Variants in BCAR1 observed in about 807,000 individuals in gnomAD.
BCAR1 encodes the protein BCAR1 scaffold protein, Cas family member, also known as breast cancer anti-estrogen resistance protein 1.
BCAR1 carries 30 observed loss-of-function variants against 67.6 expected under a neutral mutation model. That is an observed-to-expected ratio of 0.44 (90% confidence interval 0.33 to 0.60). BCAR1 has a LOEUF of 0.60. Ranked by LOEUF, BCAR1 falls within the 20% of genes least tolerant of loss-of-function variation. The pLI, the probability that BCAR1 is intolerant of heterozygous loss-of-function variation, is 0.02. For synonymous variants in BCAR1, 626 were observed against 556.7 expected (o/e 1.12, Z -1.75); for missense variants, 1,313 against 1,222.3 (o/e 1.07, Z -1.11).
intron 1 of BCAR1, chr16:75,264,365 G>A: frequency 6.5e-7 from 1 of 1,529,518 alleles, no homozygotes; most frequent in East Asian, 2.5e-5. Flanking sequence ...CCTCCAGCAG[G>A]CTCAGGTGGT....
chr16:75,265,785 G>A (rs539705690), intron 1 of BCAR1: 1 of 1,197,740 alleles, frequency 8.3e-7, no homozygotes. Context: ...AGCCGGGCGG[G>A]GGACAGCCGG....
At chr16:75,251,708 C>CGCT, upstream of BCAR1, 2 of 989,330 alleles carry the variant, frequency 2.0e-6, no homozygotes, top group Non-Finnish European at 2.4e-6. Flanking sequence ...TGGCCGCCGC[C>CGCT]GCTCTCCATG....
intron 2 of BCAR1, chr16:75,238,626 A>C: frequency 1.0e-6 from 1 of 986,306 alleles, no homozygotes; most frequent in Non-Finnish European, 1.2e-6. Context: ...TGGGCCCACT[A>C]GGTCTCCAGC....
In BCAR1 at chr16:75,233,938, G is replaced by A; in HGVS notation, c.2011-3C>T. 2 of 1,601,724 alleles carry A rather than the reference G, an allele frequency of 1.2e-6. No homozygotes were observed. The highest frequency in any genetic ancestry group is 1.3e-5 in the African/African-American group (1 of 74,856). Reference sequence around the variant, plus strand: ...GTCTTCTCAAACTCCTCCTTCCCCTGGAGGGCAGAGACAGGGGCTGCGCTG... The same window carrying A: ...GTCTTCTCAAACTCCTCCTTCCCCTAGAGGGCAGAGACAGGGGCTGCGCTG... On this transcript the variant is annotated splice_region_variant and splice_polypyrimidine_tract_variant and intron_variant, in intron 5 of 6. Coordinates refer to ENST00000162330, the MANE Select transcript of BCAR1 (RefSeq NM_014567.5).
At chr16:75,233,641 A>G (rs1038599822) in intron 6 of BCAR1, among the ~76,000 whole-genome samples, 1 of 152,208 alleles carries the variant, frequency 6.6e-6, no homozygotes, top group African/African-American at 2.4e-5. Context: ...AATGTCTCCA[A>G]CAATTACTCT....
At chr16:75,267,946 G>A in exon 1 of BCAR1, 1 of 1,603,858 alleles carries the variant, frequency 6.2e-7, no homozygotes, top group East Asian at 2.2e-5. Context: ...TGTGGGCCTG[G>A]GGGCAGCCAG....
chr16:75,238,748 G>A (rs1567600840), intron 2 of BCAR1: 7 of 985,404 alleles, frequency 7.1e-6, no homozygotes, highest in South Asian at 4.7e-5. Flanking sequence ...CTCCCTCCAC[G>A]CGCCCCAGAC....
chr16:75,266,546 A>G (rs561880908), intron 1 of BCAR1, among the ~76,000 whole-genome samples: 1 of 152,246 alleles, frequency 6.6e-6, no homozygotes, highest in African/African-American at 2.4e-5. Context: ...TCCTTTCCCC[A>G]GGCTAAACAC....
intron 1 of BCAR1, among the ~76,000 whole-genome samples, chr16:75,262,310 A>T (rs943656554): frequency 8.5e-5 from 13 of 152,198 alleles, no homozygotes; most frequent in African/African-American, 3.1e-4. Flanking sequence ...GGCACGAGAG[A>T]CAGCGGGGCA....
chr16:75,262,337 G>A (rs993109010), intron 1 of BCAR1, among the ~76,000 whole-genome samples: 1 of 152,216 alleles, frequency 6.6e-6, no homozygotes, highest in Non-Finnish European at 1.5e-5. Context: ...CATGGGTTCT[G>A]CAGTGTGAAG....
At chr16:75,255,848 G>T (rs747273099), upstream of BCAR1, among the ~76,000 whole-genome samples, 2 of 152,014 alleles carry the variant, frequency 1.3e-5, no homozygotes, top group Non-Finnish European at 2.9e-5. Flanking sequence ...AAAATTAGCC[G>T]GGCGTGGTGG....
chr16:75,242,189 C>A (rs1231386289), intron 2 of BCAR1, among the ~76,000 whole-genome samples: 1 of 152,268 alleles, frequency 6.6e-6, no homozygotes, highest in African/African-American at 2.4e-5. Context: ...CGCCTGCCCA[C>A]TGGAACGCCT....
chr16:75,230,700 C>A (rs1258205062), intron 6 of BCAR1, among the ~76,000 whole-genome samples: 1 of 151,796 alleles, frequency 6.6e-6, no homozygotes, highest in Non-Finnish European at 1.5e-5. Context: ...CACACCCAGA[C>A]TCAGGACTGG....
At chr16:75,245,669 G>A (rs971082526) in intron 1 of BCAR1, among the ~76,000 whole-genome samples, 1 of 152,208 alleles carries the variant, frequency 6.6e-6, no homozygotes. Context: ...GGCTGGGCAC[G>A]TGGCACCAGG....
rs748834266 is a variant in BCAR1, at chr16:75,236,894, G to C, written c.900C>G (p.Ser300=). 6.2e-6 allele frequency: 10 copies of C among 1,612,754 alleles called. No individual in the cohort carries two copies. Among genetic ancestry groups the C allele is most frequent in the Non-Finnish European group, 8.5e-6 (10 of 1,179,452 alleles). The change falls in exon 4 of 7, where the codon TCC becomes TCG. Residue 300 remains serine, a synonymous_variant. Coordinates refer to ENST00000162330, the MANE Select transcript of BCAR1 (RefSeq NM_014567.5). ...PPSVEKGLPP[S]NHHAVYDVPP... ...GGCATTTGCTCACTGCGTGGTGGTT[G>C]GACGGTGGCAGGCCCTTCTCCACAC...
In BCAR1 at chr16:75,235,668, C is replaced by A. The variant is rs1181274335; in HGVS notation, c.1231G>T (p.Ala411Ser). ...DGGVVDSGVY[A>S]VPPPAEREAP... ...TCACGTTCAGCTGGGGGAGGCACCG[C>A]ATACACACCACTGTCGACCACGCCA... Residue 411 changes from alanine (A) to serine (S), a missense_variant, in exon 5 of 7, where the codon GCG (alanine) becomes TCG (serine). By Grantham distance (99) the Ala-to-Ser change is moderately conservative. Transcript: ENST00000162330. The A allele has an allele frequency of 1.2e-5, 19 of 1,611,434 alleles. No homozygotes were observed. Among genetic ancestry groups the A allele is most frequent in the Non-Finnish European group, 1.4e-5 (16 of 1,178,796 alleles).
chr16:75,240,670 T>C (rs1256625336), intron 2 of BCAR1, among the ~76,000 whole-genome samples: 5 of 152,196 alleles, frequency 3.3e-5, no homozygotes, highest in South Asian at 2.1e-4. Context: ...AGCATTGCTT[T>C]TGTGATCATA....
chr16:75,235,644 C>T lies in BCAR1; in HGVS notation c.1255G>A (p.Glu419Lys), dbSNP rs1349426990. 2 of 1,608,272 alleles carry T rather than the reference C, an allele frequency of 1.2e-6. No individual in the cohort carries two copies. The highest frequency in any genetic ancestry group is 1.7e-6 in the Non-Finnish European group (2 of 1,176,632). ...AGGCGCTTGCCCTCTGCCGGGGCTT[C>T]ACGTTCAGCTGGGGGAGGCACCGCA... is the stretch of plus-strand genomic sequence containing the variant. ...VYAVPPPAEREAPAEGKRLSA... is the reference protein window; with the variant it reads ...VYAVPPPAERKAPAEGKRLSA... The change falls in exon 5 of 7, where the codon GAA becomes AAA. Residue 419 changes from glutamate (E) to lysine (K), a missense_variant. Coordinates refer to ENST00000162330, the MANE Select transcript of BCAR1 (RefSeq NM_014567.5).
Position 75,242,820 on chromosome 16 carries a change from G to C in BCAR1, c.283C>G (p.Pro95Ala). ...PQPGLHAPAP[P>A]ASQYTPMLPN... ...AGCATGGGCGTGTACTGGGAGGCCG[G>C]AGGCGCTGGGGCATGGAGGCCAGGC... The change falls in exon 2 of 7, where the codon CCG becomes GCG. Residue 95 changes from proline (P) to alanine (A), a missense_variant. Physicochemically the swap from Pro to Ala is conservative, Grantham distance 27. Around this residue, in one of 2 missense-constraint regions of BCAR1, gnomAD observed 1,272 missense variants for 1,137.5 expected, o/e 1.12. Transcript: ENST00000162330. 1 of 1,605,496 alleles carries C rather than the reference G, an allele frequency of 6.2e-7. No individual in the cohort carries two copies. Among genetic ancestry groups the C allele is most frequent in the Non-Finnish European group, 8.5e-7 (1 of 1,176,684 alleles).
Sources: gnomAD v4.1 joint callset for allele counts (sites outside exome capture counted in the v4.1 genomes callset) on GRCh38, gnomAD v4.1.1 for gene constraint, gnomAD v4.1.1 regional missense constraint, MANE v1.5 for transcripts, NCBI Gene and HGNC (gene_info 2026-07-23, HGNC 2026-07-21) for gene names.